SYT2: variants seen among roughly 807,000 people sequenced by gnomAD.
SYT2 encodes the protein synaptotagmin-2.
A neutral mutation model predicts 39.9 loss-of-function variants in SYT2; 15 were observed. That is an observed-to-expected ratio of 0.38 (90% confidence interval 0.25 to 0.58). The LOEUF (loss-of-function observed/expected upper bound fraction) is 0.58, where lower values mean the gene tolerates loss of function less well. Ranked by LOEUF, SYT2 falls within the 20% of genes least tolerant of loss-of-function variation. The pLI, the probability that SYT2 is intolerant of heterozygous loss-of-function variation, is 0.70. For missense variants in SYT2, 389 were observed against 530.3 expected (o/e 0.73, Z 2.62); for synonymous variants, 181 against 204.5 (o/e 0.89, Z 0.98).
intron 1 of SYT2, among the ~76,000 whole-genome samples, chr1:202,692,742 C>T (rs1653868809): frequency 6.6e-6 from 1 of 152,140 alleles, no homozygotes; most frequent in East Asian, 1.9e-4. Context: ...TAGTTTTCTC[C>T]TCAGCCAGCT....
At chr1:202,691,072 G>A (rs56683170) in intron 1 of SYT2, among the ~76,000 whole-genome samples, 46,599 of 152,040 alleles carry the variant, frequency 0.31, 7,323 homozygotes, top group South Asian at 0.43. Context: ...AGACCCCTCC[G>A]CCCCCTAAGA....
chr1:202,622,649 T>A (rs1463107652), intron 1 of SYT2, among the ~76,000 whole-genome samples: 1 of 152,180 alleles, frequency 6.6e-6, no homozygotes, highest in Non-Finnish European at 1.5e-5. Context: ...TTAGCCTCCC[T>A]GCGCTTGTGC....
chr1:202,682,088 C>G (rs1653540341), intron 1 of SYT2, among the ~76,000 whole-genome samples: 1 of 152,218 alleles, frequency 6.6e-6, no homozygotes, highest in African/African-American at 2.4e-5. Flanking sequence ...CCAGCCACCT[C>G]TGTAGCTCCC....
chr1:202,681,686 G>C (rs1438799724), intron 1 of SYT2, among the ~76,000 whole-genome samples: 2 of 152,204 alleles, frequency 1.3e-5, no homozygotes, highest in African/African-American at 4.8e-5. Context: ...CAGGTCCTCA[G>C]ATGGCTGCTT....
intron 1 of SYT2, among the ~76,000 whole-genome samples, chr1:202,663,914 C>T (rs541970088): frequency 7.9e-5 from 12 of 152,234 alleles, no homozygotes; most frequent in Admixed American, 3.3e-4. Context: ...GGCTTGGGAT[C>T]CAAGAAGTTC....
intron 1 of SYT2, among the ~76,000 whole-genome samples, chr1:202,606,944 GTTT>G (rs895200999): frequency 6.6e-6 from 1 of 151,668 alleles, no homozygotes; most frequent in Non-Finnish European, 1.5e-5. Flanking sequence ...TTCCTTTATT[GTTT>G]TTTATTATTA....
intron 1 of SYT2, among the ~76,000 whole-genome samples, chr1:202,698,992 A>C (rs1317042398): frequency 6.7e-6 from 1 of 148,840 alleles, no homozygotes; most frequent in Admixed American, 6.7e-5. Context: ...GTGTGGATAG[A>C]ACCAGTAACC....
At chr1:202,681,904 G>A (rs901584494) in intron 1 of SYT2, among the ~76,000 whole-genome samples, 6 of 152,210 alleles carry the variant, frequency 3.9e-5, no homozygotes, top group Non-Finnish European at 5.9e-5. Context: ...ATGAGCCTCC[G>A]TGGGGATCAG....
chr1:202,700,938 T>C (rs1285178918), intron 1 of SYT2, among the ~76,000 whole-genome samples: 3 of 152,226 alleles, frequency 2.0e-5, no homozygotes, highest in African/African-American at 7.2e-5. Flanking sequence ...ATCTGAAACC[T>C]TGCACTTGGA....
At chr1:202,607,479 G>A (rs1212062626) in intron 1 of SYT2, among the ~76,000 whole-genome samples, 1 of 152,166 alleles carries the variant, frequency 6.6e-6, no homozygotes, top group Non-Finnish European at 1.5e-5. Context: ...CGTTAGGTAT[G>A]AGTTAACTCT....
chr1:202,619,051 G>GCCC (rs1691130567), intron 1 of SYT2, among the ~76,000 whole-genome samples: 1 of 152,202 alleles, frequency 6.6e-6, no homozygotes, highest in Non-Finnish European at 1.5e-5. Context: ...TCCTTCCACA[G>GCCC]CCCAGCAGCC....
At chr1:202,690,419 A>AC (rs1174563819) in intron 1 of SYT2, among the ~76,000 whole-genome samples, 1 of 152,158 alleles carries the variant, frequency 6.6e-6, no homozygotes, top group Non-Finnish European at 1.5e-5. Context: ...TGAGAAAGAC[A>AC]CCCACTGCTA....
At chr1:202,654,963 G>C (rs1692253886) in intron 1 of SYT2, among the ~76,000 whole-genome samples, 1 of 152,180 alleles carries the variant, frequency 6.6e-6, no homozygotes, top group Admixed American at 6.5e-5. Flanking sequence ...GTATTGGGTT[G>C]GGGGAGAGGA....
chr1:202,659,387 C>T (rs1219881710), intron 1 of SYT2, among the ~76,000 whole-genome samples: 1 of 152,174 alleles, frequency 6.6e-6, no homozygotes, highest in African/African-American at 2.4e-5. Context: ...CCTGCCAGCT[C>T]AGCCCCTCCC....
intron 1 of SYT2, among the ~76,000 whole-genome samples, chr1:202,650,207 T>C (rs1692164527): frequency 6.6e-6 from 1 of 152,170 alleles, no homozygotes; most frequent in South Asian, 2.1e-4. Flanking sequence ...AACTGCAGCC[T>C]GAGGAACTCT....
At position 202,596,296 on chromosome 1, in the gene SYT2, CACACACACACAT is replaced by C. The variant is rs1328919502; in HGVS notation, c.*449_*460del. 0.097 allele frequency: 6,928 copies of C among 71,784 alleles called. 500 individuals are homozygous for C. Among genetic ancestry groups the C allele is most frequent in the Admixed American group, 0.12 (848 of 7,244 alleles). The allele number at this position is 71,784 out of a possible 1,614,324, so 4.4% of individuals were successfully genotyped here. The stretch of plus-strand genomic sequence containing the variant: ...ACACACACACACACACACACACACA[CACACACACACAT>C]ACACACACACACACACACACACACA... On this transcript the variant is annotated 3_prime_UTR_variant, in exon 9 of 9. Transcript: ENST00000367268.
At position 202,632,123 on chromosome 1, in the gene SYT2, C is replaced by T. The variant is rs549664020; in HGVS notation, c.-17-26334G>A. The T allele has an allele frequency of 7.1e-5, 69 of 971,064 alleles. No homozygotes were observed. In the African/African-American group the frequency reaches 1.2e-3, roughly 17 times the overall value. The allele number at this position is 971,064 out of a possible 1,614,324, so 60.2% of individuals were successfully genotyped here. ...GGTGGCACCAGAGAAGGAGCCAGCT[C>T]CCCAGGGCCTGGAATCTGCAGTGTT... On this transcript the variant is annotated intron_variant, in intron 1 of 8. Transcript: ENST00000367268.
At position 202,657,726 on chromosome 1, in the gene SYT2, G is replaced by A. The variant is rs141174607; in HGVS notation, c.-17-51937C>T. On this transcript the variant is annotated intron_variant, in intron 1 of 8. Coordinates refer to ENST00000367268, the MANE Select transcript of SYT2 (RefSeq NM_177402.5). ...CTGAGTGCAGTCAGCATAGACAACA[G>A]CCCTGGGATCCCCTCACTGTCCTTG... Among the ~76,000 whole-genome samples, 122 of 152,114 alleles carry A rather than the reference G, an allele frequency of 8.0e-4. 1 individual carries two copies. In the East Asian group the frequency reaches 0.013, roughly 17 times the overall value.
At chr1:202,642,397 C>T (rs991196641) in intron 1 of SYT2, among the ~76,000 whole-genome samples, 5 of 152,026 alleles carry the variant, frequency 3.3e-5, no homozygotes, top group African/African-American at 1.2e-4. Context: ...GTCTTGGGCA[C>T]CATGCGCTCC....
Sources: allele counts gnomAD v4.1 joint callset (sites outside exome capture counted in the v4.1 genomes callset), GRCh38; gene constraint gnomAD v4.1.1; transcripts MANE v1.5; gene names NCBI Gene and HGNC (gene_info 2026-07-23, HGNC 2026-07-21).